The following FGD3 variants were observed in gnomAD, a reference collection of about 807,000 sequenced individuals.
FGD3 encodes FYVE, RhoGEF and PH domain-containing protein 3.
FGD3 carries 45 observed loss-of-function variants against 71.8 expected under a neutral mutation model. The observed-to-expected ratio is 0.63, with a 90% CI of 0.49 to 0.80. FGD3 has a LOEUF of 0.80. FGD3 is among the 30% of genes least tolerant of loss of function. FGD3 has a pLI of 0.00. For missense variants in FGD3, 844 were observed against 951.5 expected, an observed-to-expected ratio of 0.89 and a Z score of 1.49; for synonymous variants, 378 against 392.8, an observed-to-expected ratio of 0.96 and a Z score of 0.44.
At chr9:92,958,468 CATT>C (rs1410942981) in intron 1 of FGD3, among the ~76,000 whole-genome samples, 1 of 152,212 alleles carries the variant, frequency 6.6e-6, no homozygotes, top group Non-Finnish European at 1.5e-5. Context: ...ACTGACACAT[CATT>C]ATCACTTGGA....
chr9:93,029,969 G>A lies in FGD3; in HGVS notation c.1653G>A (p.Arg551=), dbSNP rs780957313. The change falls in exon 15 of 18, where the codon AGG becomes AGA. Residue 551 remains arginine (R), a synonymous_variant. Transcript: ENST00000375482. ...AGACCTTCAACTCCATCACCAAGAG[G>A]AGGCATCACTGCAAGCTGTGTGGGG... ...CGETFNSITK[R]RHHCKLCGAV... 1 of 1,613,192 alleles carries A rather than the reference G, an allele frequency of 6.2e-7. No individual in the cohort carries two copies. Among genetic ancestry groups the A allele is most frequent in the Admixed American group, 1.7e-5 (1 of 59,992 alleles).
intron 3 of FGD3, among the ~76,000 whole-genome samples, chr9:92,993,950 G>C (rs1273601080): frequency 6.6e-6 from 1 of 152,202 alleles, no homozygotes; most frequent in Non-Finnish European, 1.5e-5. Context: ...CTTTATAGCA[G>C]CGTGATTTAT....
At chr9:92,993,606 C>T (rs543815908) in intron 3 of FGD3, among the ~76,000 whole-genome samples, 5 of 152,226 alleles carry the variant, frequency 3.3e-5, no homozygotes, top group African/African-American at 9.6e-5. Flanking sequence ...CTAATGCTAT[C>T]CCTCCTCCCT....
At chr9:92,986,584 G>A (rs1443923790) in intron 3 of FGD3, among the ~76,000 whole-genome samples, 3 of 152,236 alleles carry the variant, frequency 2.0e-5, no homozygotes, top group African/African-American at 7.2e-5. Context: ...GGAGGACTTG[G>A]GGCTTGGGGT....
Position 92,969,104 on chromosome 9 carries a change from A to G in FGD3, c.-217-6134A>G, listed in dbSNP as rs1404931061. 6.6e-6 allele frequency among the ~76,000 whole-genome samples: 1 copy of G among 152,230 alleles called. No homozygotes were observed. Among genetic ancestry groups the G allele is most frequent in the African/African-American group, 2.4e-5 (1 of 41,454 alleles). On this transcript the variant is annotated intron_variant, in intron 1 of 17. Coordinates refer to ENST00000375482, the MANE Select transcript of FGD3 (RefSeq NM_001083536.2). This position sits in a 1 kb window ranked among gnomAD's most constrained non-coding sequence, Gnocchi z 4.5. ...TGTATCACCTAGAGGCACTTACAGTATTGCCTGGATTCTCTATCACAGGGT... is the reference window on the plus strand; with the variant it reads ...TGTATCACCTAGAGGCACTTACAGTGTTGCCTGGATTCTCTATCACAGGGT...
At chr9:92,976,808 G>A in intron 3 of FGD3, 99 bp downstream of exon 3, 1 of 1,293,492 alleles carries the variant, frequency 7.7e-7, no homozygotes, top group Non-Finnish European at 1.0e-6. Flanking sequence ...TTGTTTCCAG[G>A]AATGTGGCAC....
intron 3 of FGD3, among the ~76,000 whole-genome samples, chr9:93,001,403 G>C (rs1860853648): frequency 6.6e-6 from 1 of 152,122 alleles, no homozygotes; most frequent in Non-Finnish European, 1.5e-5. Context: ...AGCAAAAAAT[G>C]CTTGCTAAGT....
rs1232697289 is a variant in FGD3 at position 93,022,353 on chromosome 9, T to C, written c.1521T>C (p.Pro507=). Residue 507 remains proline (P), a synonymous_variant, in exon 14 of 18, where the codon CCT becomes CCC. Coordinates refer to ENST00000375482, the MANE Select transcript of FGD3 (RefSeq NM_001083536.2). ...TCACGAGCACCAGCCCTGTGGAGCC[T>C]GTGGTGACCACCGAAGGCAGTTCGG... ...MPITSTSPVE[P]VVTTEGSSGA... is the part of the protein sequence containing the mutation. 4 of 1,612,624 alleles carry C rather than the reference T, an allele frequency of 2.5e-6. No individual in the cohort carries two copies. The highest frequency in any genetic ancestry group is 4.5e-5 in the East Asian group (2 of 44,872).
chr9:92,994,745 G>T, intron 3 of FGD3, among the ~76,000 whole-genome samples: 1 of 152,180 alleles, frequency 6.6e-6, no homozygotes, highest in East Asian at 1.9e-4. Context: ...TTTCCCCATT[G>T]CTTGTTTTAG....
intron 3 of FGD3, among the ~76,000 whole-genome samples, chr9:92,992,214 A>G (rs1007689986): frequency 1.3e-5 from 2 of 152,030 alleles, no homozygotes; most frequent in South Asian, 4.1e-4. Context: ...GTTGTTTTGT[A>G]TATCCTTTGT....
intron 16 of FGD3, chr9:93,033,781 A>C (rs55654224): frequency 0.036 from 5,497 of 152,342 alleles, 110 homozygotes; most frequent in Middle Eastern, 0.061. Flanking sequence ...TCGGGGGGTC[A>C]GTGTGTTTTC....
In FGD3 at chr9:92,977,699, G is replaced by A. The variant is rs139799707; in HGVS notation, c.453+990G>A. On this transcript the variant is annotated intron_variant, in intron 3 of 17. Coordinates refer to ENST00000375482, the MANE Select transcript of FGD3 (RefSeq NM_001083536.2). ...AGAAAGGGGCATGTCACACCACACC[G>A]TGAGGCCACAGGGAAGCCCAGGGTC... Among the ~76,000 whole-genome samples the A allele has an allele frequency of 5.5e-4, 84 of 152,286 alleles. No individual in the cohort carries two copies. The East Asian group carries it at 8.3e-3, about 15-fold the overall frequency.
chr9:92,951,575 C>A (rs563541026), intron 1 of FGD3, among the ~76,000 whole-genome samples: 8 of 152,334 alleles, frequency 5.3e-5, no homozygotes, highest in Middle Eastern at 3.4e-3. Flanking sequence ...ACTCGGGAGA[C>A]TGAGGTGGGA....
At chr9:92,999,127 C>T (rs368258174) in intron 3 of FGD3, among the ~76,000 whole-genome samples, 9 of 152,176 alleles carry the variant, frequency 5.9e-5, no homozygotes, top group Non-Finnish European at 1.0e-4. Flanking sequence ...CCACTCAGTT[C>T]GAGTTTCCCG....
chr9:93,011,043 G>T (rs1401323044), intron 7 of FGD3, among the ~76,000 whole-genome samples, 171 bp from the exon 8 acceptor site: 3 of 152,090 alleles, frequency 2.0e-5, no homozygotes, highest in Non-Finnish European at 4.4e-5. Context: ...AGGGTCAGAG[G>T]CAGGGTCACC....
chr9:92,995,486 C>T (rs1264235878), intron 3 of FGD3, among the ~76,000 whole-genome samples: 1 of 152,168 alleles, frequency 6.6e-6, no homozygotes, highest in Non-Finnish European at 1.5e-5. Flanking sequence ...TGCCTGATTG[C>T]CCTGGCCAGA....
At chr9:93,026,393 C>T (rs943293619) in intron 14 of FGD3, among the ~76,000 whole-genome samples, 1 of 152,112 alleles carries the variant, frequency 6.6e-6, no homozygotes, top group African/African-American at 2.4e-5. Context: ...TGTGCATGGC[C>T]GAGAGAGCAT....
intron 3 of FGD3, among the ~76,000 whole-genome samples, chr9:92,981,269 GA>G (rs1859983095): frequency 6.6e-6 from 1 of 150,680 alleles, no homozygotes; most frequent in East Asian, 2.0e-4. Flanking sequence ...TCGGGAGGCT[GA>G]GGCAAGAGAA....
At position 93,020,320 on chromosome 9, in the gene FGD3, A is replaced by C; in HGVS notation, c.1390A>C (p.Ile464Leu). Residue 464 changes from isoleucine to leucine, a missense_variant, in exon 13 of 18, where the codon ATC becomes CTC. Transcript: ENST00000375482. ...ACTGTTGTGTTGCTGTGTCCAGATC[A>C]TCCAGGCCACCATCGAGAAGCACAA... ...EEEKKEWIQI[I>L]QATIEKHKQN... The C allele has an allele frequency of 6.2e-7, 1 of 1,611,254 alleles. No homozygotes were observed. The highest frequency in any genetic ancestry group is 8.5e-7 in the Non-Finnish European group (1 of 1,178,778).
Sources: gnomAD v4.1 joint callset for allele counts (sites outside exome capture counted in the v4.1 genomes callset) on GRCh38, gnomAD v4.1.1 for gene constraint, Gnocchi (gnomAD v3.1) non-coding constraint, MANE v1.5 for transcripts, NCBI Gene and HGNC (gene_info 2026-07-23, HGNC 2026-07-21) for gene names.